RAB8B: variants seen among roughly 807,000 people sequenced by gnomAD.
The protein encoded by RAB8B is RAB8B, member RAS oncogene family, also known as ras-related protein Rab-8B.
In RAB8B, 11 loss-of-function variants were observed where a neutral mutation model predicts 32.0. That is an observed-to-expected ratio of 0.34 (90% CI 0.22 to 0.57). The LOEUF (loss-of-function observed/expected upper bound fraction) is 0.57. RAB8B is among the 20% of genes least tolerant of loss of function. The pLI, the probability that RAB8B is intolerant of heterozygous loss-of-function variation, is 0.86. For synonymous variants in RAB8B, 103 were observed against 89.6 expected (o/e 1.15, Z -0.85); for missense variants, 190 against 258.5 (o/e 0.73, Z 1.82).
chr15:63,251,850 A>C (rs1339875336), intron 3 of RAB8B, among the ~76,000 whole-genome samples: 1 of 152,082 alleles, frequency 6.6e-6, no homozygotes, highest in Non-Finnish European at 1.5e-5. Context: ...CATCCATTCC[A>C]GTCGGTTGCC....
chr15:63,250,102 G>C (rs1214833938), intron 3 of RAB8B, among the ~76,000 whole-genome samples: 1 of 152,152 alleles, frequency 6.6e-6, no homozygotes, highest in Non-Finnish European at 1.5e-5. Flanking sequence ...CGCCACTGCA[G>C]TCCGCAGTCT....
chr15:63,252,488 C>T (rs1272910070), intron 3 of RAB8B, among the ~76,000 whole-genome samples: 1 of 152,202 alleles, frequency 6.6e-6, no homozygotes, highest in African/African-American at 2.4e-5. Flanking sequence ...AACACCACAC[C>T]ATGTTCACAC....
chr15:63,200,402 T>C (rs1187701476), intron 1 of RAB8B, among the ~76,000 whole-genome samples: 1 of 152,250 alleles, frequency 6.6e-6, no homozygotes, highest in Non-Finnish European at 1.5e-5. Flanking sequence ...AAGCTAAATA[T>C]CACCAGAAAG....
chr15:63,237,938 A>G (rs1334436883), intron 1 of RAB8B, among the ~76,000 whole-genome samples: 2 of 151,980 alleles, frequency 1.3e-5, no homozygotes, highest in Non-Finnish European at 2.9e-5. Flanking sequence ...GTCTAGTTTC[A>G]TTCTTCGGCA....
chr15:63,243,926 T>G (rs1227406256), intron 1 of RAB8B, among the ~76,000 whole-genome samples: 1 of 152,138 alleles, frequency 6.6e-6, no homozygotes, highest in Non-Finnish European at 1.5e-5. Context: ...GGAAGTGCAC[T>G]CATGCAGAAG....
rs2038250599 is a variant in RAB8B at position 63,266,665 on chromosome 15, T to C, written c.*3046T>C. 6.6e-6 allele frequency: 1 copy of C among 152,578 alleles called. No homozygotes were observed. The highest frequency in any genetic ancestry group is 1.5e-5 in the Non-Finnish European group (1 of 68,010). The allele number at this position is 152,578 out of a possible 1,614,324, so 9.5% of individuals were successfully genotyped here. ...ATTGGGAAAGGTAGGAAATATTAGTTTAGGATAGAGCATACATGTCATATC... is the reference window on the plus strand; with the variant it reads ...ATTGGGAAAGGTAGGAAATATTAGTCTAGGATAGAGCATACATGTCATATC... On this transcript the variant is annotated 3_prime_UTR_variant, in exon 8 of 8. Transcript: ENST00000321437.
intron 1 of RAB8B, among the ~76,000 whole-genome samples, chr15:63,216,584 T>C (rs2037794255): frequency 6.6e-6 from 1 of 151,060 alleles, no homozygotes; most frequent in Admixed American, 6.6e-5. Flanking sequence ...GACTTGTGGC[T>C]TGTCTCGGTG....
At chr15:63,242,883 G>T (rs2038043910) in intron 1 of RAB8B, among the ~76,000 whole-genome samples, 1 of 151,830 alleles carries the variant, frequency 6.6e-6, no homozygotes, top group Non-Finnish European at 1.5e-5. Context: ...GGGGGTGGGG[G>T]TGGTTTAGGA....
intron 1 of RAB8B, among the ~76,000 whole-genome samples, chr15:63,205,871 G>T (rs2037694116): frequency 6.6e-6 from 1 of 152,144 alleles, no homozygotes; most frequent in African/African-American, 2.4e-5. Flanking sequence ...GATTTGTGAT[G>T]GGGAGTTCAG....
Position 63,263,809 on chromosome 15 carries a change from T to A in RAB8B, c.*190T>A, listed in dbSNP as rs2038221332. 1 of 509,482 alleles carries A rather than the reference T, an allele frequency of 2.0e-6. No homozygotes were observed. The highest frequency in any genetic ancestry group is 3.5e-6 in the Non-Finnish European group (1 of 286,450). The allele number at this position is 509,482 out of a possible 1,614,324, so 31.6% of individuals were successfully genotyped here. ...CTAGCAAAAGAACAGACTCCCTTTT[T>A]CAAACATGGAAGCAATGAAGTGGAG... On this transcript the variant is annotated 3_prime_UTR_variant, in exon 8 of 8. Transcript: ENST00000321437.
At position 63,196,507 on chromosome 15, in the gene RAB8B, A is replaced by G. The variant is rs114821102; in HGVS notation, c.124+6759A>G. 5.5e-3 allele frequency among the ~76,000 whole-genome samples: 844 copies of G among 152,308 alleles called. 7 individuals are homozygous for G. The highest frequency in any genetic ancestry group is 0.018 in the African/African-American group (753 of 41,566). ...GTTCCTTATAACAGAGTGTAAGAAT[A>G]CTGTGTCTACCTTTCAGAGTTGCTG... On this transcript the variant is annotated intron_variant, in intron 1 of 7. Transcript: ENST00000321437.
At chr15:63,190,429 G>T (rs1180661804) in intron 1 of RAB8B, among the ~76,000 whole-genome samples, 1 of 152,116 alleles carries the variant, frequency 6.6e-6, no homozygotes. Context: ...AAAGGGATCT[G>T]GGTGTGAGAC....
intron 1 of RAB8B, among the ~76,000 whole-genome samples, chr15:63,200,296 A>G (rs1003113952): frequency 2.0e-5 from 3 of 152,246 alleles, no homozygotes; most frequent in African/African-American, 7.2e-5. Context: ...ACAAGCCTGT[A>G]TTGATCTTGT....
intron 3 of RAB8B, among the ~76,000 whole-genome samples, chr15:63,250,538 C>T (rs2038109353): frequency 6.6e-6 from 1 of 152,114 alleles, no homozygotes; most frequent in South Asian, 2.1e-4. Flanking sequence ...GTCATAACTT[C>T]ATCACTTGTT....
At chr15:63,242,485 T>C (rs113988941) in intron 1 of RAB8B, among the ~76,000 whole-genome samples, 3,393 of 152,124 alleles carry the variant, frequency 0.022, 115 homozygotes, top group African/African-American at 0.078. Context: ...GAGACCACCC[T>C]GGCCAACATG....
intron 1 of RAB8B, among the ~76,000 whole-genome samples, chr15:63,233,066 TC>T (rs1689676382): frequency 6.6e-6 from 1 of 150,524 alleles, no homozygotes; most frequent in Non-Finnish European, 1.5e-5. Context: ...TTTTTTTTTT[TC>T]TTTTTTGTTG....
chr15:63,204,078 G>A (rs887010805), intron 1 of RAB8B, among the ~76,000 whole-genome samples: 1 of 152,050 alleles, frequency 6.6e-6, no homozygotes, highest in Non-Finnish European at 1.5e-5. Flanking sequence ...TCAGTATAAG[G>A]TGAGGTGTTT....
intron 1 of RAB8B, among the ~76,000 whole-genome samples, chr15:63,196,757 A>T (rs1335987820): frequency 6.6e-6 from 1 of 152,206 alleles, no homozygotes; most frequent in Non-Finnish European, 1.5e-5. Context: ...TGGACTCTTA[A>T]CACAGGAATG....
intron 1 of RAB8B, among the ~76,000 whole-genome samples, chr15:63,219,699 T>A (rs2037827343): frequency 6.6e-6 from 1 of 152,212 alleles, no homozygotes; most frequent in South Asian, 2.1e-4. Flanking sequence ...ACTGAAGACT[T>A]GTCTCATTTT....
Sources: gnomAD v4.1 joint callset for allele counts (sites outside exome capture counted in the v4.1 genomes callset) on GRCh38, gnomAD v4.1.1 for gene constraint, MANE v1.5 for transcripts, NCBI Gene and HGNC (gene_info 2026-07-23, HGNC 2026-07-21) for gene names.